LRP1B: variants seen among roughly 807,000 people sequenced by gnomAD.
LRP1B encodes the protein LDL receptor related protein 1B.
LRP1B carries 217 observed loss-of-function variants against 556.6 expected under a neutral mutation model. That is an observed-to-expected ratio of 0.39 (90% CI 0.35 to 0.44). The LOEUF (loss-of-function observed/expected upper bound fraction) is 0.44. Ranked by LOEUF, LRP1B falls within the 20% of genes least tolerant of loss-of-function variation. The pLI is 1.00. For synonymous variants in LRP1B, 2,047 were observed against 1,865.8 expected, an observed-to-expected ratio of 1.10 and a Z score of -2.50; for missense variants, 5,053 against 5,620.8, an observed-to-expected ratio of 0.90 and a Z score of 3.23.
At chr2:141,873,363 G>A (rs564899135) in intron 1 of LRP1B, among the ~76,000 whole-genome samples, 66 of 152,034 alleles carry the variant, frequency 4.3e-4, no homozygotes, top group Non-Finnish European at 8.2e-4. Context: ...GATTTTGGTT[G>A]TAGTACTGGT....
At chr2:140,608,523 G>A (rs1406316953) in intron 41 of LRP1B, among the ~76,000 whole-genome samples, 1 of 152,142 alleles carries the variant, frequency 6.6e-6, no homozygotes, top group Non-Finnish European at 1.5e-5. Context: ...TCTTTCTTTT[G>A]TCCTTATTAT....
intron 1 of LRP1B, among the ~76,000 whole-genome samples, chr2:142,033,303 G>A (rs1191747830): frequency 6.6e-6 from 1 of 151,464 alleles, no homozygotes; most frequent in Non-Finnish European, 1.5e-5. Context: ...ATATTTTCCT[G>A]ACTTTCCCAT....
At chr2:141,330,258 T>A (rs1179439382) in intron 3 of LRP1B, among the ~76,000 whole-genome samples, 2 of 152,282 alleles carry the variant, frequency 1.3e-5, no homozygotes, top group South Asian at 2.1e-4. Flanking sequence ...ATTACATTTT[T>A]AAAAATATAA....
At chr2:140,927,872 A>T (rs1336415160) in intron 20 of LRP1B, among the ~76,000 whole-genome samples, 1 of 150,338 alleles carries the variant, frequency 6.7e-6, no homozygotes. Context: ...ATGCCCGGCT[A>T]TTCATTTATT....
chr2:141,352,279 A>G (rs1688471779), intron 3 of LRP1B, among the ~76,000 whole-genome samples: 1 of 151,902 alleles, frequency 6.6e-6, no homozygotes, highest in Admixed American at 6.6e-5. Context: ...GTAACCACTG[A>G]TATACTGCTG....
chr2:140,759,916 A>G lies in LRP1B; in HGVS notation c.5758+9297T>C, dbSNP rs74585608. On this transcript the variant is annotated intron_variant, in intron 35 of 90. Coordinates refer to ENST00000389484, the MANE Select transcript of LRP1B (RefSeq NM_018557.3). ...TAGACAGCTGTAAGCAATTTCTTGAAAGAGCTTTTATTAATCAAAGAGCTA... is the reference window on the plus strand; with the variant it reads ...TAGACAGCTGTAAGCAATTTCTTGAGAGAGCTTTTATTAATCAAAGAGCTA... 1.8e-3 allele frequency among the ~76,000 whole-genome samples: 276 copies of G among 152,330 alleles called. 7 individuals carry two copies. The East Asian group carries it at 0.051, about 28-fold the overall frequency.
At chr2:141,256,390 C>A (rs434276) in intron 3 of LRP1B, among the ~76,000 whole-genome samples, 55,198 of 151,456 alleles carry the variant, frequency 0.36, 10,105 homozygotes, top group South Asian at 0.48. Context: ...AAAATGAGAG[C>A]GAGACTGGAA....
At chr2:141,776,567 T>A (rs1436202141) in intron 2 of LRP1B, among the ~76,000 whole-genome samples, 1 of 152,192 alleles carries the variant, frequency 6.6e-6, no homozygotes, top group African/African-American at 2.4e-5. Context: ...TGATCAGTAA[T>A]ACCAGTTTGA....
chr2:141,149,118 A>G (rs1701857817), intron 7 of LRP1B, among the ~76,000 whole-genome samples: 1 of 152,082 alleles, frequency 6.6e-6, no homozygotes, highest in Non-Finnish European at 1.5e-5. Context: ...GGTGGAAAGA[A>G]TGTTCAAGAG....
chr2:140,758,851 C>A (rs1003590100), intron 35 of LRP1B, among the ~76,000 whole-genome samples: 2 of 152,046 alleles, frequency 1.3e-5, no homozygotes, highest in African/African-American at 4.8e-5. Context: ...AATCTTAGCT[C>A]TTTTATTCTC....
intron 1 of LRP1B, among the ~76,000 whole-genome samples, chr2:142,096,546 T>A (rs554143077): frequency 2.0e-4 from 31 of 151,576 alleles, no homozygotes; most frequent in African/African-American, 7.2e-4. Context: ...TCCATAGGCC[T>A]CCTACTATGA....
intron 2 of LRP1B, among the ~76,000 whole-genome samples, chr2:141,775,992 G>A (rs148382536): frequency 0.036 from 5,490 of 150,930 alleles, 135 homozygotes; most frequent in East Asian, 0.094. Context: ...ACAGGTGCCC[G>A]TCATCACGCC....
intron 3 of LRP1B, among the ~76,000 whole-genome samples, chr2:141,418,106 T>C (rs1679983604): frequency 6.6e-6 from 1 of 152,192 alleles, no homozygotes; most frequent in Admixed American, 6.5e-5. Flanking sequence ...TTGTTTGCTA[T>C]TGAGTTGTAT....
At chr2:141,890,746 C>A (rs1250753692) in intron 1 of LRP1B, among the ~76,000 whole-genome samples, 1 of 152,052 alleles carries the variant, frequency 6.6e-6, no homozygotes, top group Admixed American at 6.6e-5. Flanking sequence ...TTCTAAGTAT[C>A]TGATTCTATC....
intron 3 of LRP1B, among the ~76,000 whole-genome samples, chr2:141,386,798 TA>T (rs539212425): frequency 1.5e-3 from 234 of 152,082 alleles, no homozygotes; most frequent in African/African-American, 5.1e-3. Context: ...CTACTTTCAA[TA>T]ATAATTAGTA....
At chr2:142,004,465 T>G (rs548063691) in intron 1 of LRP1B, among the ~76,000 whole-genome samples, 1 of 151,896 alleles carries the variant, frequency 6.6e-6, no homozygotes, top group South Asian at 2.1e-4. Flanking sequence ...ATACTACATA[T>G]GTAATATATA....
At chr2:140,825,115 A>G (rs1691458501) in intron 31 of LRP1B, among the ~76,000 whole-genome samples, 1 of 152,194 alleles carries the variant, frequency 6.6e-6, no homozygotes, top group Non-Finnish European at 1.5e-5. Context: ...TGTCTGTTTT[A>G]GAAGAATTCA....
At chr2:141,403,877 T>G (rs1573906526) in intron 3 of LRP1B, among the ~76,000 whole-genome samples, 1 of 152,268 alleles carries the variant, frequency 6.6e-6, no homozygotes, top group East Asian at 1.9e-4. Context: ...CCTGAGGTTA[T>G]CACAGTTACA....
At chr2:141,167,697 T>C (rs907370606) in intron 7 of LRP1B, among the ~76,000 whole-genome samples, 27 of 152,064 alleles carry the variant, frequency 1.8e-4, no homozygotes, top group Admixed American at 1.6e-3. Context: ...AATCTATTTA[T>C]GTCAGGGATT....
Sources: gnomAD v4.1 joint callset for allele counts (sites outside exome capture counted in the v4.1 genomes callset) on GRCh38, gnomAD v4.1.1 for gene constraint, MANE v1.5 for transcripts, NCBI Gene and HGNC (gene_info 2026-07-23, HGNC 2026-07-21) for gene names.